Variants in NDUFAF2 observed in about 807,000 individuals in gnomAD.
The protein encoded by NDUFAF2 is NADH:ubiquinone oxidoreductase complex assembly factor 2.
NDUFAF2 carries 13 observed loss-of-function variants against 22.8 expected under a neutral mutation model. The ratio of observed to expected loss-of-function variants is 0.57; its 90% CI spans 0.37 to 0.91. The LOEUF is 0.91. NDUFAF2 is among the 40% of genes least tolerant of loss of function. The pLI is 0.01. For synonymous variants in NDUFAF2, 53 were observed against 64.2 expected (o/e 0.83, Z 0.84); for missense variants, 162 against 195.2 (o/e 0.83, Z 1.01).
intron 1 of NDUFAF2, among the ~76,000 whole-genome samples, chr5:61,032,389 G>A (rs1304347345): frequency 2.0e-5 from 3 of 152,054 alleles, no homozygotes; most frequent in Non-Finnish European, 2.9e-5. Flanking sequence ...TCCATCTTGA[G>A]TTAATTTCTG....
chr5:61,052,926 T>C (rs1397704751), intron 1 of NDUFAF2, among the ~76,000 whole-genome samples: 3 of 152,264 alleles, frequency 2.0e-5, no homozygotes, highest in African/African-American at 7.2e-5. Context: ...CACTTTTTCC[T>C]TCTTCGTGGA....
At chr5:61,034,525 A>G (rs887438030) in intron 1 of NDUFAF2, among the ~76,000 whole-genome samples, 4 of 152,178 alleles carry the variant, frequency 2.6e-5, no homozygotes, top group African/African-American at 9.7e-5. Context: ...GTGGTCCGTC[A>G]TTGACCAAAA....
At chr5:61,038,982 A>G (rs1751837040) in intron 1 of NDUFAF2, among the ~76,000 whole-genome samples, 1 of 152,022 alleles carries the variant, frequency 6.6e-6, no homozygotes, top group Middle Eastern at 3.4e-3. Context: ...ATACTTCTTC[A>G]TTATTACTTG....
chr5:61,113,591 T>A (rs1420094522), intron 3 of NDUFAF2, among the ~76,000 whole-genome samples: 1 of 152,080 alleles, frequency 6.6e-6, no homozygotes, highest in Non-Finnish European at 1.5e-5. Flanking sequence ...TCTCACACAA[T>A]CTGATGGTTT....
rs190939131 is a variant in NDUFAF2, at chr5:61,107,419, T to C, written c.258+8387T>C. Among the ~76,000 whole-genome samples, 610 of 151,456 alleles carry C rather than the reference T, an allele frequency of 4.0e-3. 33 individuals are homozygous for C. Among genetic ancestry groups the C allele is most frequent in the African/African-American group, 0.014 (573 of 40,802 alleles). ...AATGTCTATCCAGATCTTTTGCTCA[T>C]GTTTTAATCTGTTCATTAGATTTTT... On this transcript the variant is annotated intron_variant, in intron 3 of 3. Coordinates refer to ENST00000296597, the MANE Select transcript of NDUFAF2 (RefSeq NM_174889.5).
At chr5:60,956,579 G>A (rs866489136) in intron 1 of NDUFAF2, among the ~76,000 whole-genome samples, 30 of 152,134 alleles carry the variant, frequency 2.0e-4, no homozygotes, top group African/African-American at 5.8e-4. Flanking sequence ...TGTTAAATGC[G>A]TTTCCTGCAT....
intron 1 of NDUFAF2, among the ~76,000 whole-genome samples, chr5:61,039,745 A>G (rs929393495): frequency 6.6e-6 from 1 of 152,202 alleles, no homozygotes; most frequent in African/African-American, 2.4e-5. Context: ...ATGCTTAGTA[A>G]GAACCATAGC....
chr5:61,036,962 TG>T (rs1385958707), intron 1 of NDUFAF2, among the ~76,000 whole-genome samples: 9 of 152,158 alleles, frequency 5.9e-5, no homozygotes, highest in Admixed American at 5.9e-4. Flanking sequence ...ATCCTTGATC[TG>T]GAGAAGCAAA....
At chr5:61,003,568 A>G (rs1472587974) in intron 1 of NDUFAF2, among the ~76,000 whole-genome samples, 2 of 151,836 alleles carry the variant, frequency 1.3e-5, no homozygotes, top group East Asian at 1.9e-4. Flanking sequence ...GTAAATAGCA[A>G]TACACCAGAA....
At chr5:61,055,455 T>C (rs552443807) in intron 1 of NDUFAF2, among the ~76,000 whole-genome samples, 6 of 152,324 alleles carry the variant, frequency 3.9e-5, no homozygotes, top group Admixed American at 3.9e-4. Flanking sequence ...AGGAGTTGTA[T>C]GTGTATATGA....
chr5:60,985,211 G>T (rs1035394923), intron 1 of NDUFAF2, among the ~76,000 whole-genome samples: 1 of 152,234 alleles, frequency 6.6e-6, no homozygotes, highest in South Asian at 2.1e-4. Context: ...TATGATGGTA[G>T]TTTGTATTTC....
At chr5:60,993,852 CCTA>C (rs1751192976) in intron 1 of NDUFAF2, among the ~76,000 whole-genome samples, 1 of 152,172 alleles carries the variant, frequency 6.6e-6, no homozygotes, top group Non-Finnish European at 1.5e-5. Context: ...GGAGGAAGTG[CCTA>C]CCAATTTGTC....
chr5:61,018,322 AATTT>A (rs1160791858), intron 1 of NDUFAF2, among the ~76,000 whole-genome samples: 2 of 152,182 alleles, frequency 1.3e-5, no homozygotes, highest in African/African-American at 2.4e-5. Context: ...ATCAGGGCTT[AATTT>A]ATTCTTTTGT....
At position 61,126,378 on chromosome 5, in the gene NDUFAF2, A is replaced by C. The variant is rs79609994; in HGVS notation, c.259-26326A>C. 8.5e-3 allele frequency among the ~76,000 whole-genome samples: 1,296 copies of C among 152,174 alleles called. 21 individuals are homozygous for C. The highest frequency in any genetic ancestry group is 0.03 in the African/African-American group (1,242 of 41,556). On this transcript the variant is annotated intron_variant, in intron 3 of 3. Transcript: ENST00000296597. ...AACAAGAAAAAGGTTTATTTTAGTG[A>C]GGATTAATAAGCATAAGTTTTCAGT...
At chr5:61,151,998 A>G (rs113569374) in intron 3 of NDUFAF2, among the ~76,000 whole-genome samples, 1,999 of 152,338 alleles carry the variant, frequency 0.013, 18 homozygotes, top group Non-Finnish European at 0.021. Flanking sequence ...CTTTTATTCA[A>G]GGAAATACAG....
intron 2 of NDUFAF2, among the ~76,000 whole-genome samples, chr5:61,091,255 A>C (rs975323629): frequency 2.6e-5 from 4 of 152,154 alleles, no homozygotes; most frequent in Non-Finnish European, 5.9e-5. Context: ...TCTTTGAGGA[A>C]TCTCACACTG....
At chr5:60,983,614 C>T (rs1000767176) in intron 1 of NDUFAF2, among the ~76,000 whole-genome samples, 3 of 150,848 alleles carry the variant, frequency 2.0e-5, no homozygotes, top group East Asian at 2.0e-4. Context: ...CAGCTTTCTA[C>T]GTATGGCTAG....
At chr5:61,081,137 A>G (rs1752436981) in intron 2 of NDUFAF2, among the ~76,000 whole-genome samples, 2 of 152,146 alleles carry the variant, frequency 1.3e-5, no homozygotes, top group Non-Finnish European at 2.9e-5. Context: ...TCAATTGACT[A>G]TGGATGTGTC....
At chr5:61,057,592 A>G (rs1752115279) in intron 1 of NDUFAF2, among the ~76,000 whole-genome samples, 1 of 152,188 alleles carries the variant, frequency 6.6e-6, no homozygotes. Flanking sequence ...AGGTAACTAC[A>G]TGTAAGGGGA....
Sources: gnomAD v4.1 joint callset for allele counts (sites outside exome capture counted in the v4.1 genomes callset) on GRCh38, gnomAD v4.1.1 for gene constraint, MANE v1.5 for transcripts, NCBI Gene and HGNC (gene_info 2026-07-23, HGNC 2026-07-21) for gene names.